The following TTN variants were observed in gnomAD, a reference collection of about 807,000 sequenced individuals.
TTN encodes the protein titin, also known as connectin.
A neutral mutation model predicts 3,223.0 loss-of-function variants in TTN; 1,525 were observed. The observed-to-expected ratio is 0.47, with a 90% confidence interval of 0.45 to 0.49. TTN has a LOEUF of 0.49. Among genes scored for constraint, TTN ranks in the 20% least tolerant of loss-of-function variants. The pLI is 0.00. For missense variants in TTN, 40,786 were observed against 43,424.0 expected (o/e 0.94, Z 5.40); for synonymous variants, 14,094 against 15,161.0 (o/e 0.93, Z 5.17).
chr2:178,722,980 TA>T (rs2078676740), intron 75 of TTN, 43 bp from the exon 76 acceptor site: 1 of 1,595,632 alleles, frequency 6.3e-7, no homozygotes, highest in Non-Finnish European at 8.5e-7. Flanking sequence ...AATTAATGAA[TA>T]TCAAAGAAAC....
chr2:178,578,666 A>G lies in TTN; in HGVS notation c.68274T>C (p.Asp22758=). 1 of 1,612,172 alleles carries G rather than the reference A, an allele frequency of 6.2e-7. No individual in the cohort carries two copies. Among genetic ancestry groups the G allele is most frequent in the Non-Finnish European group, 8.5e-7 (1 of 1,179,114 alleles). The change falls in exon 321 of 363, where the codon GAT becomes GAC. Residue 22758 remains aspartate (D), a synonymous_variant. Coordinates refer to ENST00000589042, the MANE Select transcript of TTN (RefSeq NM_001267550.2). ...PPPNIVDVRH[D]SVSLTWTDPK... ...GGTCAGTCCAAGTTAGAGATACTGA[A>G]TCGTGTCTGACATCCACAATATTGG... is the stretch of plus-strand genomic sequence containing the variant.
intron 47 of TTN, chr2:178,747,103 T>C: frequency 4.3e-6 from 7 of 1,609,842 alleles, no homozygotes; most frequent in Non-Finnish European, 5.9e-6. Flanking sequence ...GAGTCTCTCC[T>C]GGGGGTGTGG....
chr2:178,748,451 G>T (rs774529864), intron 47 of TTN: 3 of 1,612,990 alleles, frequency 1.9e-6, no homozygotes, highest in Middle Eastern at 1.7e-4. Flanking sequence ...TTCAGGGCTA[G>T]GAATTTTTTC....
rs1316141879 is a variant in TTN at position 178,640,607 on chromosome 2, GT to G, written c.40656del (p.Lys13552AsnfsTer46). On this transcript the variant is annotated frameshift_variant, in exon 221 of 363. Coordinates refer to ENST00000589042, the MANE Select transcript of TTN (RefSeq NM_001267550.2). LOFTEE classifies it high-confidence loss of function. ...GTAGGTACTTCAACCTCTTCAACAG[GT>G]TTTGGAGGTGGTGGTTCTGGTACTT... Reference protein sequence around the residue: ...KPAVPEPPPPKPVEEVEVPTV... With the variant: ...KPAVPEPPPPXPVEEVEVPTV... 6.3e-7 allele frequency: 1 copy of G among 1,588,890 alleles called. No homozygotes were observed. Among genetic ancestry groups the G allele is most frequent in the South Asian group, 1.1e-5 (1 of 87,046 alleles).
chr2:178,547,204 T>A lies in TTN; in HGVS notation c.94321A>T (p.Ile31441Phe). 1 of 1,613,858 alleles carries A rather than the reference T, an allele frequency of 6.2e-7. No homozygotes were observed. Among genetic ancestry groups the A allele is most frequent in the Non-Finnish European group, 8.5e-7 (1 of 1,179,778 alleles). ...TCTTTCTTCTCAACCCAGTAGCCAA[T>A]GATTTTACTGCCACCATCGTGGTAG... ...EPYHDGGSKI[I>F]GYWVEKKERN... is the part of the protein sequence containing the mutation. The change falls in exon 340 of 363, where the codon ATT (isoleucine) becomes TTT (phenylalanine). Residue 31441 changes from isoleucine to phenylalanine, a missense_variant. Transcript: ENST00000589042.
rs200318160 is a variant in TTN, at chr2:178,539,553, C to G, written c.98512G>C (p.Val32838Leu). ...ATGGTATACCAGGCGGCTTTAGGCA[C>G]TTCTCGTCTCTCGAGGATGTAGCCT... ...ILGYILERREVPKAAWYTIDS... is the reference protein window; with the variant it reads ...ILGYILERRELPKAAWYTIDS... Residue 32838 changes from valine (V) to leucine (L), a missense_variant, in exon 352 of 363, where the codon GTG becomes CTG. Physicochemically the swap from Val to Leu is conservative, Grantham distance 32. Coordinates refer to ENST00000589042, the MANE Select transcript of TTN (RefSeq NM_001267550.2). 12 of 1,613,688 alleles carry G rather than the reference C, an allele frequency of 7.4e-6. No homozygotes were observed.
In TTN at chr2:178,735,913, C is replaced by T. The variant is rs373378672; in HGVS notation, c.14533G>A (p.Asp4845Asn). The T allele has an allele frequency of 1.1e-4, 179 of 1,613,882 alleles. No homozygotes were observed. Among genetic ancestry groups the T allele is most frequent in the Middle Eastern group, 5.0e-4 (3 of 6,060 alleles). The change falls in exon 50 of 363, where the codon GAC becomes AAC. Residue 4845 changes from aspartate (D) to asparagine (N), a missense_variant. Coordinates refer to ENST00000589042, the MANE Select transcript of TTN (RefSeq NM_001267550.2). ...TCTAAAATGTGTTTGTTTTCTGCGTCGGAAATCCTCCAGTTAGGTGAAGGT... is the reference window on the plus strand; with the variant it reads ...TCTAAAATGTGTTTGTTTTCTGCGTTGGAAATCCTCCAGTTAGGTGAAGGT... ...LSPSPNWRIS[D>N]AENKHILELS... is the part of the protein sequence containing the mutation.
chr2:178,585,025 T>A, intron 309 of TTN, 47 bp downstream of exon 309: 2 of 1,603,408 alleles, frequency 1.2e-6, no homozygotes, highest in Non-Finnish European at 1.7e-6. Flanking sequence ...GTAAAAATAT[T>A]TCTGAGCTTC....
rs1691127745 is a variant in TTN at position 178,535,692 on chromosome 2, G to C, written c.100923C>G (p.His33641Gln). 6.2e-7 allele frequency: 1 copy of C among 1,613,782 alleles called. No homozygotes were observed. The highest frequency in any genetic ancestry group is 8.5e-7 in the Non-Finnish European group (1 of 1,179,772). The change falls in exon 358 of 363, where the codon CAC becomes CAG. Residue 33641 changes from histidine to glutamine, a missense_variant. His to Gln is a conservative substitution (Grantham distance 24). Transcript: ENST00000589042. ...KGQDLIDNNG[H>Q]YQVIVTRSFT... ...AGGATCTTGTGACAATAACTTGGTA[G>C]TGGCCATTATTGTCAATGAGATCTT...
In TTN at chr2:178,585,125, G is replaced by A. The variant is rs1284135964; in HGVS notation, c.64619C>T (p.Thr21540Ile). 1.2e-6 allele frequency: 2 copies of A among 1,613,072 alleles called. No individual in the cohort carries two copies. Among genetic ancestry groups the A allele is most frequent in the Admixed American group, 1.7e-5 (1 of 59,952 alleles). ...GTCTGTCCCAGAACTGTTCTCTGCT[G>A]TGAGGCTGTAGTAACCACTGTCTTT... The part of the protein sequence containing the change: ...TRKDSGYYSL[T>I]AENSSGTDTQ... The change falls in exon 309 of 363, where the codon ACA becomes ATA. Residue 21540 changes from threonine to isoleucine, a missense_variant. Transcript: ENST00000589042.
chr2:178,576,544 T>A lies in TTN; in HGVS notation c.69700A>T (p.Met23234Leu). Reference protein sequence around the residue: ...PPSEASDSVLMKDAAYPPGPP... With the variant: ...PPSEASDSVLLKDAAYPPGPP... ...AAATACTAACATGCTGCATCTTTCA[T>A]CAGAACAGAATCTGAAGCCTCACTG... Residue 23234 changes from methionine (M) to leucine (L), a missense_variant, in exon 325 of 363, where the codon ATG (methionine) becomes TTG (leucine). Met to Leu is a conservative substitution (Grantham distance 15). Transcript: ENST00000589042. The surrounding 1 kb of genome is among the most constrained non-coding windows in gnomAD (Gnocchi z 4.3). 1 of 1,613,226 alleles carries A rather than the reference T, an allele frequency of 6.2e-7. No individual in the cohort carries two copies. The highest frequency in any genetic ancestry group is 8.5e-7 in the Non-Finnish European group (1 of 1,179,570).
intron 294 of TTN, among the ~76,000 whole-genome samples, 162 bp downstream of exon 294, chr2:178,597,376 G>A (rs1391405045): frequency 6.6e-6 from 1 of 152,036 alleles, no homozygotes. Context: ...GAATAAAAAA[G>A]TAAGGAGGAA....
Position 178,711,294 on chromosome 2 carries a change from A to C in TTN, c.27942T>G (p.Val9314=), listed in dbSNP as rs767017519. 2.5e-6 allele frequency: 4 copies of C among 1,613,474 alleles called. No homozygotes were observed. The South Asian group carries it at 4.4e-5, about 18-fold the overall frequency. Residue 9314 remains valine (V), a synonymous_variant, in exon 97 of 363, where the codon GTT becomes GTG. Transcript: ENST00000589042. ...SRQLRDVQET[V]GLPVVFDCAI... ...CACAATCAAAAACAACTGGCAGTCCAACTGTTTCTTGAACATCTCTCAATT... is the reference window on the plus strand; with the variant it reads ...CACAATCAAAAACAACTGGCAGTCCCACTGTTTCTTGAACATCTCTCAATT...
intron 107 of TTN, 23 bp from the exon 108 acceptor site, chr2:178,702,268 T>A: frequency 6.2e-7 from 1 of 1,613,816 alleles, no homozygotes; most frequent in Non-Finnish European, 8.5e-7. Flanking sequence ...ATCATCCAAC[T>A]TTTGTTTTCT....
chr2:178,528,159 C>G, intron 361 of TTN, 115 bp downstream of exon 361: 1 of 1,218,566 alleles, frequency 8.2e-7, no homozygotes, highest in South Asian at 1.8e-5. Flanking sequence ...TTGGCTGTCC[C>G]TCTTTCACAT....
At chr2:178,781,714 A>G (rs1449548093) in intron 20 of TTN, among the ~76,000 whole-genome samples, 1 of 152,208 alleles carries the variant, frequency 6.6e-6, no homozygotes, top group Non-Finnish European at 1.5e-5. Context: ...TTTTTAGATT[A>G]CCAGGTTGCT....
chr2:178,774,896 A>G (rs765777932), intron 29 of TTN, 25 bp downstream of exon 29: 1 of 1,613,034 alleles, frequency 6.2e-7, no homozygotes, highest in African/African-American at 1.3e-5. Flanking sequence ...TTAGGTAAAC[A>G]ATGAAATCCT....
In TTN at chr2:178,542,713, A is replaced by G. The variant is rs748122990; in HGVS notation, c.97141T>C (p.Leu32381=). The change falls in exon 348 of 363, where the codon TTG becomes CTG. Residue 32381 remains leucine (L), a synonymous_variant. Coordinates refer to ENST00000589042, the MANE Select transcript of TTN (RefSeq NM_001267550.2). ...GAAGTAGTTCCGGTAACATTCTTCA[A>G]TTCAAGTGTGTATTCTCCAGTATCT... ...IRDTGEYTLE[L]KNVTGTTSET... 8.7e-6 allele frequency: 14 copies of G among 1,613,724 alleles called. No individual in the cohort carries two copies. The highest frequency in any genetic ancestry group is 1.2e-5 in the Non-Finnish European group (14 of 1,179,770).
Position 178,644,630 on chromosome 2 carries a change from G to A in TTN, c.40409-14C>T, listed in dbSNP as rs764664868. On this transcript the variant is annotated splice_polypyrimidine_tract_variant and intron_variant, in intron 217 of 362. Coordinates refer to ENST00000589042, the MANE Select transcript of TTN (RefSeq NM_001267550.2). ...TCTTTGGAATAGCTTTAAAGAATAT[G>A]ATTTTACTTTTGTTATTTGTATATT... 3.3e-6 allele frequency: 5 copies of A among 1,526,458 alleles called. No homozygotes were observed. The East Asian group carries it at 1.2e-4, about 37-fold the overall frequency. The allele number at this position is 1,526,458 out of a possible 1,614,324, so 94.6% of individuals were successfully genotyped here.
Sources: gnomAD v4.1 joint callset for allele counts (sites outside exome capture counted in the v4.1 genomes callset) on GRCh38, gnomAD v4.1.1 for gene constraint, Gnocchi (gnomAD v3.1) non-coding constraint, MANE v1.5 for transcripts, NCBI Gene and HGNC (gene_info 2026-07-23, HGNC 2026-07-21) for gene names.